The following PHYKPL variants were observed in gnomAD, a reference collection of about 807,000 sequenced individuals.
The protein encoded by PHYKPL is 5-phosphohydroxy-L-lysine phospho-lyase, also known as 5-phosphonooxy-L-lysine phospho-lyase.
In PHYKPL, 42 loss-of-function variants were observed where a neutral mutation model predicts 51.3. That is an observed-to-expected ratio of 0.82 (90% CI 0.64 to 1.06). The LOEUF (loss-of-function observed/expected upper bound fraction) is 1.06, where lower values mean the gene tolerates loss of function less well. Among genes scored for constraint, PHYKPL ranks in the 50% least tolerant of loss-of-function variants. The pLI is 0.00. For missense variants in PHYKPL, 655 were observed against 586.6 expected (o/e 1.12, Z -1.20); for synonymous variants, 264 against 236.0 (o/e 1.12, Z -1.09).
intron 12 of PHYKPL, chr5:178,210,717 C>A (rs1274461121): frequency 1.1e-6 from 1 of 930,270 alleles, no homozygotes; most frequent in Non-Finnish European, 1.8e-6. Context: ...GGCAAACTTT[C>A]TATTGCCTGT....
chr5:178,225,562 T>G, intron 3 of PHYKPL, 133 bp from the exon 4 acceptor site: 1 of 815,218 alleles, frequency 1.2e-6, no homozygotes, highest in Non-Finnish European at 2.0e-6. Flanking sequence ...CTTGCTTGTT[T>G]GTTTGGTATA....
intron 4 of PHYKPL, chr5:178,225,026 A>G (rs942668639): frequency 3.6e-6 from 2 of 559,908 alleles, no homozygotes; most frequent in African/African-American, 3.8e-5. Flanking sequence ...AAATGTGTTG[A>G]TATTGTCAGC....
At position 178,229,200 on chromosome 5, in the gene PHYKPL, G is replaced by A. The variant is rs534723011; in HGVS notation, c.338+740C>T. Among the ~76,000 whole-genome samples, 11 of 150,394 alleles carry A rather than the reference G, an allele frequency of 7.3e-5. No individual in the cohort carries two copies. In the South Asian group the frequency reaches 1.7e-3, roughly 23 times the overall value. ...TGGCTCACTGCAACCTCCGCCTCCC[G>A]GTTCAAGCGATTCTCCTGCCCCAGC... On this transcript the variant is annotated intron_variant, in intron 3 of 12. Coordinates refer to ENST00000308158, the MANE Select transcript of PHYKPL (RefSeq NM_153373.4).
rs1763770401 is a variant in PHYKPL at position 178,232,645 on chromosome 5, T to C, written c.-95A>G. ...CCCCGCTCCGGGCCCCGCCCCTGCC[T>C]GGGTCGGGATTTGGGGCTCAGGTTC... On this transcript the variant is annotated 5_prime_UTR_variant, in exon 1 of 13. Transcript: ENST00000308158. 7 of 1,202,402 alleles carry C rather than the reference T, an allele frequency of 5.8e-6. No individual in the cohort carries two copies. Among genetic ancestry groups the C allele is most frequent in the Non-Finnish European group, 7.3e-6 (7 of 962,048 alleles). 74.5% of individuals were successfully genotyped at this position (1,202,402 alleles called of 1,614,324 possible). A position where few individuals can be genotyped will look rare whatever the true frequency, so the allele number is the denominator to read the frequency against.
At chr5:178,211,859 T>C (rs117357872) in intron 12 of PHYKPL, 31 bp downstream of exon 12, 3 of 1,529,134 alleles carry the variant, frequency 2.0e-6, no homozygotes, top group Non-Finnish European at 2.7e-6. Flanking sequence ...CCGCTGTGCA[T>C]CTTCAAGAGT....
intron 3 of PHYKPL, 153 bp downstream of exon 3, chr5:178,229,787 A>G (rs1224010734): frequency 2.3e-6 from 2 of 860,148 alleles, no homozygotes; most frequent in Non-Finnish European, 3.5e-6. Context: ...AGAAAGCATC[A>G]GGGCCTACAG....
At chr5:178,209,510 G>T in intron 12 of PHYKPL, 1 of 1,399,762 alleles carries the variant, frequency 7.1e-7, no homozygotes, top group East Asian at 2.3e-5. Flanking sequence ...TTCCAAGCCT[G>T]TCTTGGGGCT....
At chr5:178,225,524 G>T in intron 3 of PHYKPL, 95 bp from the exon 4 acceptor site, 1 of 1,191,114 alleles carries the variant, frequency 8.4e-7, no homozygotes, top group Non-Finnish European at 1.2e-6. Context: ...GCAGCAAGAA[G>T]ATTCTCAGGA....
chr5:178,223,344 T>C (rs1761592272), intron 6 of PHYKPL: 2 of 457,604 alleles, frequency 4.4e-6, no homozygotes, highest in African/African-American at 4.0e-5. Flanking sequence ...TTTGCCTGTT[T>C]CTTCCTTGGA....
rs1457472902 is a variant in PHYKPL at position 178,224,650 on chromosome 5, C to T, written c.493G>A (p.Val165Ile). The T allele has an allele frequency of 1.9e-6, 3 of 1,614,098 alleles. No homozygotes were observed. The highest frequency in any genetic ancestry group is 2.5e-6 in the Non-Finnish European group (3 of 1,180,042). The change falls in exon 5 of 13, where the codon GTC (valine) becomes ATC (isoleucine). Residue 165 changes from valine (V) to isoleucine (I), a missense_variant. Val to Ile is a conservative substitution (Grantham distance 29). Transcript: ENST00000308158. ...FRNLDGQKEW[V>I]HVAPLPDTYR... is the part of the protein sequence containing the mutation. ...AGTTGGGCAGTGCATACCACGTGGACCCACTCCTTCTGGCCATCCAGGTTG... is the reference window on the plus strand; with the variant it reads ...AGTTGGGCAGTGCATACCACGTGGATCCACTCCTTCTGGCCATCCAGGTTG...
chr5:178,220,315 A>G (rs982990001), intron 8 of PHYKPL, among the ~76,000 whole-genome samples: 4 of 152,076 alleles, frequency 2.6e-5, no homozygotes, highest in Admixed American at 1.3e-4. Flanking sequence ...CCTGACCAAC[A>G]TGGAGAAACC....
In PHYKPL at chr5:178,224,435, C is replaced by T. The variant is rs368386279; in HGVS notation, c.618+13G>A. 1.2e-4 allele frequency: 183 copies of T among 1,559,594 alleles called. 1 individual carries two copies. Among genetic ancestry groups the T allele is most frequent in the Middle Eastern group, 3.4e-4 (2 of 5,812 alleles). On this transcript the variant is annotated intron_variant, in intron 6 of 12. Transcript: ENST00000308158. The stretch of plus-strand genomic sequence containing the variant: ...CACTGTTGGCTGGATTGGACAGGCG[C>T]GGACACGGTTACCTTCCTGCCCTTC...
chr5:178,211,926 G>A lies in PHYKPL; in HGVS notation c.1348C>T (p.Pro450Ser), dbSNP rs201910742. The A allele has an allele frequency of 1.2e-6, 2 of 1,613,292 alleles. No homozygotes were observed. Among genetic ancestry groups the A allele is most frequent in the East Asian group, 4.5e-5 (2 of 44,888 alleles). Residue 450 changes from proline (P) to serine (S), a missense_variant, in exon 12 of 13, where the codon CCC becomes TCC. By Grantham distance (74) the Pro-to-Ser change is moderately conservative (BLOSUM62 -1). Transcript: ENST00000308158. ...VRSCETLRLQP is the reference protein window; with the variant it reads ...VRSCETLRLQS ...TTAGGCAGAGCAGGGCTGGCTTAGG[G>A]CTGGAGCCTCAGCGTTTCACAACTT... is the stretch of plus-strand genomic sequence containing the variant.
chr5:178,209,190 T>A, intron 12 of PHYKPL: 1 of 722,306 alleles, frequency 1.4e-6, no homozygotes, highest in Non-Finnish European at 2.5e-6. Context: ...AGCCCAAAGG[T>A]GGCCTCCCAT....
intron 3 of PHYKPL, chr5:178,225,742 G>C: frequency 2.9e-6 from 1 of 343,106 alleles, no homozygotes; most frequent in South Asian, 3.4e-5. Context: ...CAACACAGAA[G>C]ACTTCTGTGA....
rs183414478 is a variant in PHYKPL at position 178,228,731 on chromosome 5, A to G, written c.338+1209T>C. The G allele has an allele frequency of 1.4e-4, 93 of 653,302 alleles. No individual in the cohort carries two copies. The African/African-American group carries it at 1.5e-3, about 11-fold the overall frequency. 40.5% of individuals were successfully genotyped at this position (653,302 alleles called of 1,614,324 possible). A position where few individuals can be genotyped will look rare whatever the true frequency, so the allele number is the denominator to read the frequency against. The stretch of plus-strand genomic sequence containing the variant: ...TGTTGGAATGTTCTCTCCCAGATAC[A>G]CTGTAATCGCCTGCCTGTTTGTCTC... On this transcript the variant is annotated intron_variant, in intron 3 of 12. Coordinates refer to ENST00000308158, the MANE Select transcript of PHYKPL (RefSeq NM_153373.4).
At chr5:178,209,950 C>T (rs1242452853) in intron 12 of PHYKPL, among the ~76,000 whole-genome samples, 1 of 150,582 alleles carries the variant, frequency 6.6e-6, no homozygotes, top group African/African-American at 2.5e-5. Context: ...CTCTGATCCT[C>T]TGCTTGGGTC....
At chr5:178,214,403 A>G (rs942185075) in intron 10 of PHYKPL, among the ~76,000 whole-genome samples, 34 of 152,108 alleles carry the variant, frequency 2.2e-4, no homozygotes, top group African/African-American at 8.0e-4. Context: ...CCCTGAGTCT[A>G]GTGCTGCCAC....
intron 3 of PHYKPL, 59 bp downstream of exon 3, chr5:178,229,881 A>T: frequency 6.3e-7 from 1 of 1,587,860 alleles, no homozygotes; most frequent in South Asian, 1.1e-5. Flanking sequence ...GGCCCATGTG[A>T]GTGACTGTCT....
Sources: allele counts gnomAD v4.1 joint callset (sites outside exome capture counted in the v4.1 genomes callset), GRCh38; gene constraint gnomAD v4.1.1; transcripts MANE v1.5; gene names NCBI Gene and HGNC (gene_info 2026-07-23, HGNC 2026-07-21).